SPHKAP: variants seen among roughly 807,000 people sequenced by gnomAD.
SPHKAP encodes A-kinase anchor protein SPHKAP.
SPHKAP carries 67 observed loss-of-function variants against 137.5 expected under a neutral mutation model. That is an observed-to-expected ratio of 0.49 (90% CI 0.40 to 0.60). The LOEUF is 0.60. Among genes scored for constraint, SPHKAP ranks in the 20% least tolerant of loss-of-function variants. The pLI is 0.00. For synonymous variants in SPHKAP, 813 were observed against 785.3 expected (o/e 1.04, Z -0.59); for missense variants, 2,097 against 2,069.3 (o/e 1.01, Z -0.26).
intron 1 of SPHKAP, among the ~76,000 whole-genome samples, chr2:228,164,296 C>CTT (rs1700358496): frequency 6.6e-6 from 1 of 152,158 alleles, no homozygotes; most frequent in Non-Finnish European, 1.5e-5. Context: ...GACTTTCAGA[C>CTT]TTTGACTGAG....
At chr2:228,080,318 T>C (rs1697321922) in intron 3 of SPHKAP, among the ~76,000 whole-genome samples, 1 of 152,158 alleles carries the variant, frequency 6.6e-6, no homozygotes, top group Non-Finnish European at 1.5e-5. Flanking sequence ...ACAAATAATA[T>C]AAATAGACAT....
intron 3 of SPHKAP, among the ~76,000 whole-genome samples, chr2:228,075,431 T>C (rs185525642): frequency 1.1e-3 from 164 of 152,256 alleles, no homozygotes; most frequent in African/African-American, 3.7e-3. Context: ...CTTTTTTTTT[T>C]CAAAGGCTGA....
intron 3 of SPHKAP, among the ~76,000 whole-genome samples, chr2:228,039,242 C>T (rs1695749631): frequency 6.6e-6 from 1 of 152,204 alleles, no homozygotes; most frequent in African/African-American, 2.4e-5. Flanking sequence ...GCTTCCTGAA[C>T]AGAGCTAATC....
At chr2:228,124,781 G>C (rs980965312) in intron 2 of SPHKAP, among the ~76,000 whole-genome samples, 3 of 152,096 alleles carry the variant, frequency 2.0e-5, no homozygotes, top group Non-Finnish European at 2.9e-5. Flanking sequence ...AAAGCCTTCC[G>C]ATTTGTATGC....
intron 1 of SPHKAP, among the ~76,000 whole-genome samples, chr2:228,172,563 T>C (rs1223915576): frequency 6.6e-6 from 1 of 152,182 alleles, no homozygotes; most frequent in Non-Finnish European, 1.5e-5. Context: ...CACAAGCCAA[T>C]GCAAAGCCTA....
At chr2:228,010,516 A>G (rs549737683) in intron 7 of SPHKAP, among the ~76,000 whole-genome samples, 14 of 152,330 alleles carry the variant, frequency 9.2e-5, no homozygotes, top group Middle Eastern at 3.4e-3. Context: ...TGGGTGACAG[A>G]GCGAAACTCC....
At chr2:228,137,344 A>G (rs959808698) in intron 1 of SPHKAP, among the ~76,000 whole-genome samples, 3 of 152,198 alleles carry the variant, frequency 2.0e-5, no homozygotes, top group Non-Finnish European at 2.9e-5. Flanking sequence ...AACCTCAAAA[A>G]TTAGGCACAA....
At chr2:228,068,747 T>C (rs1696909865) in intron 3 of SPHKAP, among the ~76,000 whole-genome samples, 1 of 152,224 alleles carries the variant, frequency 6.6e-6, no homozygotes, top group Admixed American at 6.5e-5. Context: ...TGCTTTTATT[T>C]TCTAAAGTTA....
At chr2:228,138,095 A>T (rs1699490521) in intron 1 of SPHKAP, among the ~76,000 whole-genome samples, 1 of 152,204 alleles carries the variant, frequency 6.6e-6, no homozygotes, top group South Asian at 2.1e-4. Flanking sequence ...AATCCTGCTC[A>T]GTCAGTTTAG....
At chr2:228,050,789 A>T (rs1696226670) in intron 3 of SPHKAP, among the ~76,000 whole-genome samples, 1 of 151,976 alleles carries the variant, frequency 6.6e-6, no homozygotes. Context: ...AGCCTTTTAT[A>T]TTCCCCCACT....
At chr2:228,036,675 C>T (rs1157435539) in intron 3 of SPHKAP, among the ~76,000 whole-genome samples, 3 of 152,142 alleles carry the variant, frequency 2.0e-5, no homozygotes, top group South Asian at 4.2e-4. Context: ...AAATGTGGCA[C>T]ATATACACCA....
intron 1 of SPHKAP, among the ~76,000 whole-genome samples, chr2:228,159,730 G>T (rs1282338748): frequency 6.6e-6 from 1 of 152,158 alleles, no homozygotes; most frequent in Non-Finnish European, 1.5e-5. Context: ...GACATATTAA[G>T]GTCATCTTCT....
At chr2:228,070,505 C>T (rs985142936) in intron 3 of SPHKAP, among the ~76,000 whole-genome samples, 1 of 152,048 alleles carries the variant, frequency 6.6e-6, no homozygotes, top group African/African-American at 2.4e-5. Context: ...CTGTCTTAGT[C>T]TCGGTGCCTC....
At chr2:228,029,928 CAG>C (rs1695215886) in intron 3 of SPHKAP, among the ~76,000 whole-genome samples, 2 of 152,114 alleles carry the variant, frequency 1.3e-5, no homozygotes, top group South Asian at 4.1e-4. Context: ...AAGCAGAGAT[CAG>C]AGAGCAAAGA....
intron 7 of SPHKAP, among the ~76,000 whole-genome samples, chr2:228,005,252 T>C (rs1694082595): frequency 6.6e-6 from 1 of 152,222 alleles, no homozygotes; most frequent in African/African-American, 2.4e-5. Context: ...ATTGGTTGCA[T>C]ATATATTTAG....
intron 5 of SPHKAP, 25 bp from the exon 6 acceptor site, chr2:228,021,991 A>G (rs779833306): frequency 6.5e-7 from 1 of 1,550,108 alleles, no homozygotes; most frequent in Non-Finnish European, 8.7e-7. Flanking sequence ...AAAAGAAGGC[A>G]TTTATTCAAA....
intron 3 of SPHKAP, among the ~76,000 whole-genome samples, chr2:228,061,461 G>A (rs116431592): frequency 0.052 from 7,951 of 151,810 alleles, 235 homozygotes; most frequent in South Asian, 0.083. Flanking sequence ...TAGTAGAGAC[G>A]GGATTTCATC....
chr2:228,012,670 A>G (rs1694434053), intron 7 of SPHKAP, among the ~76,000 whole-genome samples: 2 of 152,206 alleles, frequency 1.3e-5, no homozygotes, highest in African/African-American at 4.8e-5. Context: ...CTGTGTTTTC[A>G]GCCCCAAGGC....
intron 1 of SPHKAP, among the ~76,000 whole-genome samples, chr2:228,149,940 T>C (rs1434292853): frequency 1.3e-5 from 2 of 152,180 alleles, no homozygotes; most frequent in Non-Finnish European, 2.9e-5. Context: ...ATTTTTGCTT[T>C]ACTGCTTTGG....
Sources: gnomAD v4.1 joint callset for allele counts (sites outside exome capture counted in the v4.1 genomes callset) on GRCh38, gnomAD v4.1.1 for gene constraint, MANE v1.5 for transcripts, NCBI Gene and HGNC (gene_info 2026-07-23, HGNC 2026-07-21) for gene names.